The following CENPP variants were observed in gnomAD, a reference collection of about 807,000 sequenced individuals.
The protein encoded by CENPP is centromere protein P.
A neutral mutation model predicts 35.6 loss-of-function variants in CENPP; 24 were observed. The ratio of observed to expected loss-of-function variants is 0.67; its 90% CI spans 0.49 to 0.95. CENPP has a LOEUF of 0.95. Ranked by LOEUF, CENPP falls within the 40% of genes least tolerant of loss-of-function variation. The probability of loss-of-function intolerance (pLI) is 0.00; values close to 1 mark genes in which losing one functional copy is unlikely to be tolerated. For missense variants in CENPP, 332 were observed against 345.3 expected (o/e 0.96, Z 0.31); for synonymous variants, 120 against 125.5 (o/e 0.96, Z 0.29).
At chr9:92,335,941 G>T (rs1323736165) in intron 2 of CENPP, among the ~76,000 whole-genome samples, 1 of 152,160 alleles carries the variant, frequency 6.6e-6, no homozygotes. Context: ...ATTTTGATTG[G>T]ATTGCATTGA....
chr9:92,364,425 T>C (rs1259750536), intron 4 of CENPP, among the ~76,000 whole-genome samples: 1 of 152,214 alleles, frequency 6.6e-6, no homozygotes. Context: ...GATATCATTC[T>C]GGGTATAGAA....
At chr9:92,530,650 T>C (rs905992253) in intron 5 of CENPP, among the ~76,000 whole-genome samples, 5 of 152,156 alleles carry the variant, frequency 3.3e-5, no homozygotes, top group African/African-American at 1.2e-4. Flanking sequence ...TCTCCGGGAG[T>C]GCTTTTGCTA....
intron 5 of CENPP, among the ~76,000 whole-genome samples, chr9:92,467,722 C>T (rs1236999772): frequency 2.0e-5 from 3 of 152,176 alleles, no homozygotes; most frequent in African/African-American, 4.8e-5. Context: ...TGTATCTGCA[C>T]GTTTCCTCAT....
intron 5 of CENPP, among the ~76,000 whole-genome samples, chr9:92,595,428 A>G (rs745840217): frequency 1.1e-3 from 167 of 151,104 alleles, no homozygotes; most frequent in Middle Eastern, 6.9e-3. Context: ...TTTTGTGGAG[A>G]TGGGGATCTT....
In CENPP at chr9:92,593,119, C is replaced by T. The variant is rs1442906227; in HGVS notation, c.565-18195C>T. Among the ~76,000 whole-genome samples the T allele has an allele frequency of 2.0e-5, 3 of 152,222 alleles. No individual in the cohort carries two copies. The highest frequency in any genetic ancestry group is 4.4e-5 in the Non-Finnish European group (3 of 68,032). The stretch of plus-strand genomic sequence containing the variant: ...CCCTGGCATCATCTGCCCTAAGCAT[C>T]CACTTCTCAATCCCAGGTGGCAGGA... On this transcript the variant is annotated intron_variant, in intron 5 of 7. Transcript: ENST00000375587. This position sits in a 1 kb window ranked among gnomAD's most constrained non-coding sequence, Gnocchi z 4.1.
chr9:92,505,818 T>C (rs1204097527), intron 5 of CENPP: 1 of 706,504 alleles, frequency 1.4e-6, no homozygotes, highest in East Asian at 2.8e-5. Context: ...TTTAAACCTT[T>C]GTATCCTCCT....
intron 5 of CENPP, among the ~76,000 whole-genome samples, chr9:92,412,918 T>C (rs1843483818): frequency 6.6e-6 from 1 of 151,896 alleles, no homozygotes; most frequent in African/African-American, 2.4e-5. Context: ...AACATGTGTG[T>C]TCAGTTCTAT....
At chr9:92,365,264 A>C (rs1046100581) in intron 4 of CENPP, among the ~76,000 whole-genome samples, 1 of 152,070 alleles carries the variant, frequency 6.6e-6, no homozygotes, top group African/African-American at 2.4e-5. Flanking sequence ...AAATAGCTTG[A>C]CTGGGGAAGG....
intron 5 of CENPP, chr9:92,416,472 C>T (rs919054579): frequency 2.5e-5 from 14 of 560,210 alleles, no homozygotes; most frequent in Non-Finnish European, 2.5e-5. Context: ...ACACATTTCT[C>T]TGGGGCAGAT....
chr9:92,498,389 T>C (rs1380153283), intron 5 of CENPP, among the ~76,000 whole-genome samples: 1 of 152,042 alleles, frequency 6.6e-6, no homozygotes, highest in African/African-American at 2.4e-5. Flanking sequence ...ACATGGCACA[T>C]GTATATATAT....
At chr9:92,466,609 T>C (rs1464273282) in intron 5 of CENPP, 5 of 1,532,474 alleles carry the variant, frequency 3.3e-6, no homozygotes, top group Non-Finnish European at 3.6e-6. Context: ...TATTAGGAAG[T>C]GGATTTGATT....
chr9:92,442,042 G>A (rs1464491356), intron 5 of CENPP, among the ~76,000 whole-genome samples: 1 of 151,988 alleles, frequency 6.6e-6, no homozygotes, highest in Non-Finnish European at 1.5e-5. Flanking sequence ...CAAGAAAATA[G>A]AATTACAGTC....
At chr9:92,351,486 A>G (rs34774135) in intron 4 of CENPP, among the ~76,000 whole-genome samples, 60,964 of 151,058 alleles carry the variant, frequency 0.4, 14,579 homozygotes, top group African/African-American at 0.66. Flanking sequence ...AAAAAAAAAA[A>G]AAAAAAACCA....
rs36222751 is a variant in CENPP, at chr9:92,357,461, CATTATTATTATTATTATTATTATTATT to C, written c.467+11696_467+11722del. On this transcript the variant is annotated intron_variant, in intron 4 of 7. Transcript: ENST00000375587. ...GCCACATCCCTTTGATCATCTCCCT[CATTATTATTATTATTATTATTATTATT>C]ATTATTATTATTATTATTATTTTGA... Among the ~76,000 whole-genome samples the C allele has an allele frequency of 9.0e-3, 1,292 of 143,472 alleles. 16 individuals are homozygous for C. The highest frequency in any genetic ancestry group is 0.022 in the African/African-American group (868 of 38,836). The allele number at this position is 143,472 out of a possible 152,430, so 94.1% of individuals were successfully genotyped here. A position where few individuals can be genotyped will look rare whatever the true frequency, so the allele number is the denominator to read the frequency against.
intron 1 of CENPP, among the ~76,000 whole-genome samples, chr9:92,328,688 TTA>T (rs987926915): frequency 2.0e-5 from 3 of 152,224 alleles, no homozygotes; most frequent in Non-Finnish European, 4.4e-5. Flanking sequence ...CAAAAAATTT[TTA>T]TGTTATGAGG....
In CENPP at chr9:92,407,669, C is replaced by T. The variant is rs1037792072; in HGVS notation, c.564+27810C>T. Among the ~76,000 whole-genome samples, 9 of 152,124 alleles carry T rather than the reference C, an allele frequency of 5.9e-5. 1 individual carries two copies. The highest frequency in any genetic ancestry group is 2.2e-4 in the African/African-American group (9 of 41,414). On this transcript the variant is annotated intron_variant, in intron 5 of 7. Transcript: ENST00000375587. ...TCACCCAAGCTGGAGTGCAGTGGCA[C>T]GATCATGACTCTCTGCAGCCTCAAC... is the stretch of plus-strand genomic sequence containing the variant.
At chr9:92,500,150 T>C (rs952430894) in intron 5 of CENPP, among the ~76,000 whole-genome samples, 1 of 152,216 alleles carries the variant, frequency 6.6e-6, no homozygotes, top group Non-Finnish European at 1.5e-5. Flanking sequence ...CATTTGAACC[T>C]CTCTCTAAAG....
intron 5 of CENPP, among the ~76,000 whole-genome samples, chr9:92,421,353 A>C (rs1342858051): frequency 6.6e-6 from 1 of 152,186 alleles, no homozygotes; most frequent in Non-Finnish European, 1.5e-5. Flanking sequence ...GAGGGCCTAA[A>C]TTCTGACCTG....
At chr9:92,610,098 C>G (rs1416242582) in intron 5 of CENPP, among the ~76,000 whole-genome samples, 1 of 152,196 alleles carries the variant, frequency 6.6e-6, no homozygotes, top group African/African-American at 2.4e-5. Context: ...CTCTGTCGCC[C>G]AGGCTGGAGT....
Sources: gnomAD v4.1 joint callset for allele counts (sites outside exome capture counted in the v4.1 genomes callset) on GRCh38, gnomAD v4.1.1 for gene constraint, Gnocchi (gnomAD v3.1) non-coding constraint, MANE v1.5 for transcripts, NCBI Gene and HGNC (gene_info 2026-07-23, HGNC 2026-07-21) for gene names.